PRKG2: variants seen among roughly 807,000 people sequenced by gnomAD.
PRKG2 encodes protein kinase cGMP-dependent 2.
PRKG2 carries 33 observed loss-of-function variants against 97.2 expected under a neutral mutation model. The observed-to-expected ratio is 0.34, with a 90% confidence interval of 0.26 to 0.45. The LOEUF (loss-of-function observed/expected upper bound fraction) is 0.45. PRKG2 is among the 20% of genes least tolerant of loss of function. The pLI is 1.00. For synonymous variants in PRKG2, 330 were observed against 321.8 expected (o/e 1.03, Z -0.27); for missense variants, 638 against 900.0 (o/e 0.71, Z 3.73).
chr4:81,149,040 A>C, intron 8 of PRKG2, 88 bp from the exon 9 acceptor site: 1 of 1,237,506 alleles, frequency 8.1e-7, no homozygotes. Context: ...CTTTGTATGA[A>C]AACACCACCA....
rs756846933 is a variant in PRKG2 at position 81,088,636 on chromosome 4, C to T, written c.*1072G>A. On this transcript the variant is annotated 3_prime_UTR_variant, in exon 19 of 19. Coordinates refer to ENST00000264399, the MANE Select transcript of PRKG2 (RefSeq NM_006259.3). ...TTTTCTGGTGGCTTGCCTGTCTTAACAATCTAAATTTATAAACACATCCAT... is the reference window on the plus strand; with the variant it reads ...TTTTCTGGTGGCTTGCCTGTCTTAATAATCTAAATTTATAAACACATCCAT... The T allele has an allele frequency of 2.0e-5, 3 of 152,136 alleles. No homozygotes were observed. In the East Asian group the frequency reaches 5.8e-4, roughly 29 times the overall value. 9.4% of individuals were successfully genotyped at this position (152,136 alleles called of 1,614,324 possible). A position where few individuals can be genotyped will look rare whatever the true frequency, so the allele number is the denominator to read the frequency against.
chr4:81,115,764 T>C (rs147656151), intron 14 of PRKG2, among the ~76,000 whole-genome samples: 2 of 152,356 alleles, frequency 1.3e-5, no homozygotes, highest in African/African-American at 4.8e-5. Flanking sequence ...TGAGATATAC[T>C]GTCTAGCTCT....
chr4:81,132,116 T>C (rs1746241684), intron 14 of PRKG2, among the ~76,000 whole-genome samples: 1 of 151,992 alleles, frequency 6.6e-6, no homozygotes, highest in African/African-American at 2.4e-5. Flanking sequence ...AATGTAAAGG[T>C]CTCATACTTT....
intron 15 of PRKG2, among the ~76,000 whole-genome samples, chr4:81,108,896 C>T (rs1171156173): frequency 6.6e-6 from 1 of 152,072 alleles, no homozygotes. Context: ...CACCGTGTCT[C>T]AACAAACAAA....
chr4:81,163,925 G>A (rs1749778237), intron 6 of PRKG2, among the ~76,000 whole-genome samples: 1 of 151,292 alleles, frequency 6.6e-6, no homozygotes, highest in South Asian at 2.1e-4. Context: ...ATGTGACTAT[G>A]TACCAAGTGT....
intron 2 of PRKG2, among the ~76,000 whole-genome samples, chr4:81,183,024 C>T (rs1424606622): frequency 6.6e-6 from 1 of 151,932 alleles, no homozygotes; most frequent in African/African-American, 2.4e-5. Flanking sequence ...AATTGAGAAG[C>T]TGATATTAAA....
At position 81,135,267 on chromosome 4, in the gene PRKG2, A is replaced by G; in HGVS notation, c.1664T>C (p.Phe555Ser). The change falls in exon 14 of 19, where the codon TTC (phenylalanine) becomes TCC (serine). Residue 555 changes from phenylalanine (F) to serine (S), a missense_variant. This residue lies in a region of PRKG2 where 304 missense variants were observed against 460.5 expected (regional missense o/e 0.66). Transcript: ENST00000264399. ...TGCTTCTGTCACACAAGCAACGCAG[A>G]ATTTGGAGGTGGGTTCATCAAAGCT... The part of the protein sequence containing the change: ...RGSFDEPTSK[F>S]CVACVTEAFD... 1 of 1,613,124 alleles carries G rather than the reference A, an allele frequency of 6.2e-7. No individual in the cohort carries two copies. Among genetic ancestry groups the G allele is most frequent in the Non-Finnish European group, 8.5e-7 (1 of 1,179,490 alleles).
Position 81,089,431 on chromosome 4 carries a change from CA to C in PRKG2, c.*276del. 1 of 295,932 alleles carries C rather than the reference CA, an allele frequency of 3.4e-6. No individual in the cohort carries two copies. The highest frequency in any genetic ancestry group is 6.2e-6 in the Non-Finnish European group (1 of 161,946). The allele number at this position is 295,932 out of a possible 1,614,324, so 18.3% of individuals were successfully genotyped here. On this transcript the variant is annotated 3_prime_UTR_variant, in exon 19 of 19. Transcript: ENST00000264399. Reference sequence around the variant, plus strand: ...ATTGCAGAAAAAACTGCCACTTTAACAAAAATGGCTCTGATTGTGGAAAGGA... The same window carrying C: ...ATTGCAGAAAAAACTGCCACTTTAACAAAATGGCTCTGATTGTGGAAAGGA...
At chr4:81,213,914 C>G (rs1281515741) in intron 1 of PRKG2, among the ~76,000 whole-genome samples, 1 of 151,970 alleles carries the variant, frequency 6.6e-6, no homozygotes, top group East Asian at 1.9e-4. Flanking sequence ...CTTAGTCATA[C>G]AGCGTTCCAA....
intron 10 of PRKG2, 97 bp downstream of exon 10, chr4:81,144,135 A>G (rs1378014570): frequency 8.8e-7 from 1 of 1,130,980 alleles, no homozygotes; most frequent in Non-Finnish European, 1.3e-6. Flanking sequence ...AAGGCACATT[A>G]AAAGTTACCA....
chr4:81,107,021 T>A (rs1743413970), intron 15 of PRKG2, among the ~76,000 whole-genome samples: 1 of 152,200 alleles, frequency 6.6e-6, no homozygotes, highest in African/African-American at 2.4e-5. Flanking sequence ...CCAAGCTGAC[T>A]AAGACACATA....
At chr4:81,132,268 C>T (rs547116466) in intron 14 of PRKG2, among the ~76,000 whole-genome samples, 2 of 152,114 alleles carry the variant, frequency 1.3e-5, no homozygotes, top group East Asian at 3.9e-4. Flanking sequence ...ATCATACTTA[C>T]CTCTTGTTTC....
chr4:81,153,240 T>A (rs1201236005), intron 7 of PRKG2, among the ~76,000 whole-genome samples: 2 of 152,250 alleles, frequency 1.3e-5, no homozygotes, highest in Non-Finnish European at 2.9e-5. Flanking sequence ...ATGACTGTCT[T>A]CAATTGCTGA....
At chr4:81,117,156 C>A (rs1396993016) in intron 14 of PRKG2, among the ~76,000 whole-genome samples, 2 of 151,718 alleles carry the variant, frequency 1.3e-5, no homozygotes. Flanking sequence ...CCACACCCAG[C>A]TAATTTTTAT....
intron 6 of PRKG2, among the ~76,000 whole-genome samples, chr4:81,160,601 A>C (rs1749527269): frequency 6.6e-6 from 1 of 152,202 alleles, no homozygotes; most frequent in South Asian, 2.1e-4. Flanking sequence ...AACCTCTTGG[A>C]AGATTCTACA....
chr4:81,133,852 T>A (rs944769365), intron 14 of PRKG2, among the ~76,000 whole-genome samples: 7 of 145,178 alleles, frequency 4.8e-5, no homozygotes, highest in African/African-American at 1.8e-4. Flanking sequence ...ATAGCTATTT[T>A]TTTTTAAAAA....
At chr4:81,134,760 T>C (rs1746506776) in intron 14 of PRKG2, among the ~76,000 whole-genome samples, 1 of 152,150 alleles carries the variant, frequency 6.6e-6, no homozygotes, top group Non-Finnish European at 1.5e-5. Flanking sequence ...GTTTATCTTC[T>C]CTTTATATAT....
At chr4:81,170,740 T>C (rs754247142) in intron 4 of PRKG2, among the ~76,000 whole-genome samples, 3 of 152,074 alleles carry the variant, frequency 2.0e-5, no homozygotes, top group Non-Finnish European at 4.4e-5. Context: ...AGTAAAGTAA[T>C]CCCAAAAGTC....
intron 2 of PRKG2, among the ~76,000 whole-genome samples, chr4:81,198,789 T>C (rs1408689729): frequency 2.0e-5 from 3 of 152,216 alleles, no homozygotes; most frequent in Non-Finnish European, 4.4e-5. Flanking sequence ...AGATATGTAA[T>C]AGCCAACCAA....
Sources: allele counts gnomAD v4.1 joint callset (sites outside exome capture counted in the v4.1 genomes callset), GRCh38; gene constraint gnomAD v4.1.1; regional missense constraint gnomAD v4.1.1; transcripts MANE v1.5; gene names NCBI Gene and HGNC (gene_info 2026-07-23, HGNC 2026-07-21).